METTL4: variants seen among roughly 807,000 people sequenced by gnomAD.
METTL4 encodes the protein methyltransferase 4, N6-adenosine, also known as N(6)-adenine-specific methyltransferase METTL4.
METTL4 carries 40 observed loss-of-function variants against 54.0 expected under a neutral mutation model. That is an observed-to-expected ratio of 0.74 (90% CI 0.58 to 0.96). The LOEUF (loss-of-function observed/expected upper bound fraction) is 0.96, where lower values mean the gene tolerates loss of function less well. Among genes scored for constraint, METTL4 ranks in the 50% least tolerant of loss-of-function variants. METTL4 has a pLI of 0.00. For synonymous variants in METTL4, 169 were observed against 183.8 expected, an observed-to-expected ratio of 0.92 and a Z score of 0.65; for missense variants, 525 against 549.0, an observed-to-expected ratio of 0.96 and a Z score of 0.44.
intron 7 of METTL4, 35 bp from the exon 8 acceptor site, chr18:2,544,321 T>A: frequency 1.3e-6 from 2 of 1,500,902 alleles, no homozygotes; most frequent in Non-Finnish European, 1.8e-6. Flanking sequence ...AACTATATTT[T>A]AAAAAACAAT....
chr18:2,553,057 G>T, intron 4 of METTL4: 1 of 244,186 alleles, frequency 4.1e-6, no homozygotes, highest in Non-Finnish European at 7.8e-6. Flanking sequence ...AATTCCCTAT[G>T]CGTCTTGGCA....
Position 2,566,892 on chromosome 18 carries a change from G to A in METTL4, c.325C>T (p.Gln109Ter), listed in dbSNP as rs2072426610. Residue 109 changes from glutamine (Q) to a stop codon, truncating the protein, a stop_gained, in exon 2 of 9, where the codon CAG becomes TAG. Coordinates refer to ENST00000574538, the MANE Select transcript of METTL4 (RefSeq NM_022840.5). LOFTEE classifies it high-confidence loss of function. ...YITPAVHKEC[Q>*]QSNEKEDLMN... ...AGATCTTCCTTTTCATTACTTTGCT[G>A]GCATTCTTTATGAACAGCTGGAGTT... 3 of 1,611,278 alleles carry A rather than the reference G, an allele frequency of 1.9e-6. No individual in the cohort carries two copies. The highest frequency in any genetic ancestry group is 2.2e-5 in the South Asian group (2 of 90,618).
chr18:2,560,299 A>G (rs765670815), intron 3 of METTL4, among the ~76,000 whole-genome samples: 1 of 152,212 alleles, frequency 6.6e-6, no homozygotes, highest in Non-Finnish European at 1.5e-5. Flanking sequence ...CCAAAAAAGT[A>G]TCCACCACAA....
In METTL4 at chr18:2,566,890, C is replaced by T. The variant is rs777631403; in HGVS notation, c.327G>A (p.Gln109=). The change falls in exon 2 of 9, where the codon CAG becomes CAA. Residue 109 remains glutamine (Q), a synonymous_variant. Transcript: ENST00000574538. ...YITPAVHKEC[Q]QSNEKEDLMN... is the part of the protein sequence containing the mutation. ...TCAGATCTTCCTTTTCATTACTTTG[C>T]TGGCATTCTTTATGAACAGCTGGAG... is the stretch of plus-strand genomic sequence containing the variant. 2 of 1,611,570 alleles carry T rather than the reference C, an allele frequency of 1.2e-6. No individual in the cohort carries two copies. Among genetic ancestry groups the T allele is most frequent in the South Asian group, 2.2e-5 (2 of 90,654 alleles).
At chr18:2,550,960 C>T (rs9949151) in intron 5 of METTL4, among the ~76,000 whole-genome samples, 7 of 151,440 alleles carry the variant, frequency 4.6e-5, no homozygotes, top group East Asian at 1.9e-4. Flanking sequence ...GTCAGGAGAT[C>T]GAGACCATCC....
chr18:2,568,474 G>GGGCGTGGT (rs1307427874), intron 1 of METTL4: 8 of 152,370 alleles, frequency 5.3e-5, no homozygotes, highest in African/African-American at 1.7e-4. Flanking sequence ...AGGAGTGGCT[G>GGGCGTGGT]GGCATGGTGG....
chr18:2,543,518 C>G (rs558869536), intron 8 of METTL4, among the ~76,000 whole-genome samples: 83 of 152,266 alleles, frequency 5.5e-4, no homozygotes, highest in African/African-American at 1.7e-3. Flanking sequence ...CTCTAGAGGA[C>G]TAAATATCAT....
In METTL4 at chr18:2,566,983, A is replaced by C. The variant is rs1363920268; in HGVS notation, c.234T>G (p.Asn78Lys). Reference protein sequence around the residue: ...STKPENDDGGNYEMFTRKFVF... With the variant: ...STKPENDDGGKYEMFTRKFVF... ...CAAATTTTCGTGTGAACATTTCATA[A>C]TTTCCTCCATCATCATTCTCTGGCT... Residue 78 changes from asparagine (N) to lysine (K), a missense_variant, in exon 2 of 9, where the codon AAT becomes AAG. Coordinates refer to ENST00000574538, the MANE Select transcript of METTL4 (RefSeq NM_022840.5). 2 of 1,614,162 alleles carry C rather than the reference A, an allele frequency of 1.2e-6. No individual in the cohort carries two copies. Among genetic ancestry groups the C allele is most frequent in the South Asian group, 2.2e-5 (2 of 91,084 alleles).
rs201779316 is a variant in METTL4, at chr18:2,566,970, T to C, written c.247A>G (p.Thr83Ala). The change falls in exon 2 of 9, where the codon ACA becomes GCA. Residue 83 changes from threonine to alanine, a missense_variant. Thr to Ala is a moderately conservative substitution (Grantham distance 58). Coordinates refer to ENST00000574538, the MANE Select transcript of METTL4 (RefSeq NM_022840.5). The part of the protein sequence containing the change: ...NDDGGNYEMF[T>A]RKFVFRPELF... ...TCAGGTCGAAAAACAAATTTTCGTGTGAACATTTCATAATTTCCTCCATCA... is the reference window on the plus strand; with the variant it reads ...TCAGGTCGAAAAACAAATTTTCGTGCGAACATTTCATAATTTCCTCCATCA... The C allele has an allele frequency of 6.2e-7, 1 of 1,614,186 alleles. No individual in the cohort carries two copies. The highest frequency in any genetic ancestry group is 8.5e-7 in the Non-Finnish European group (1 of 1,180,020).
chr18:2,567,242 G>A lies in METTL4; in HGVS notation c.-26C>T. ...TCCCTTCCTTTAAAAAAGCCTCTGG[G>A]AATTAGGAACTAGAATGAAAATCCA... On this transcript the variant is annotated 5_prime_UTR_variant, in exon 2 of 9. Coordinates refer to ENST00000574538, the MANE Select transcript of METTL4 (RefSeq NM_022840.5). The A allele has an allele frequency of 6.5e-7, 1 of 1,533,774 alleles. No homozygotes were observed. The highest frequency in any genetic ancestry group is 8.7e-7 in the Non-Finnish European group (1 of 1,144,188).
intron 6 of METTL4, among the ~76,000 whole-genome samples, chr18:2,546,704 T>A (rs1252598732): frequency 6.6e-6 from 1 of 152,152 alleles, no homozygotes; most frequent in Non-Finnish European, 1.5e-5. Flanking sequence ...AAAGGAAACC[T>A]GATGAACTCT....
chr18:2,544,504 C>T (rs2072041155), intron 7 of METTL4, 149 bp downstream of exon 7: 1 of 626,846 alleles, frequency 1.6e-6, no homozygotes, highest in Non-Finnish European at 2.7e-6. Context: ...AATATAGTTT[C>T]CTGTGCCATA....
At position 2,539,151 on chromosome 18, in the gene METTL4, TAA is replaced by T; in HGVS notation, c.1274-8_1274-7del. ...GATGTAGTCTTTTAAAACCTCTGTT[TAA>T]AAAAGAGAAAAAACACAAAAATTAT... is the stretch of plus-strand genomic sequence containing the variant. On this transcript the variant is annotated splice_region_variant and splice_polypyrimidine_tract_variant and intron_variant, in intron 8 of 8. Coordinates refer to ENST00000574538, the MANE Select transcript of METTL4 (RefSeq NM_022840.5). 2 of 1,607,306 alleles carry T rather than the reference TAA, an allele frequency of 1.2e-6. No homozygotes were observed. The highest frequency in any genetic ancestry group is 1.7e-6 in the Non-Finnish European group (2 of 1,177,094).
In METTL4 at chr18:2,552,724, C is replaced by T. The variant is rs1171839286; in HGVS notation, c.870G>A (p.Trp290Ter). Residue 290 changes from tryptophan to a stop codon, truncating the protein, a stop_gained, in exon 5 of 9, where the codon TGG (tryptophan) becomes TGA (stop). Transcript: ENST00000574538. LOFTEE classifies it high-confidence loss of function. Reference sequence around the variant, plus strand: ...TACTTCTTTTAACTGATTTGTTCTGCCATGGTGGATCTATCACAATTACAT... The same window carrying T: ...TACTTCTTTTAACTGATTTGTTCTGTCATGGTGGATCTATCACAATTACAT... ...TFDVIVIDPP[W>*]QNKSVKRSNR... 2 of 1,611,180 alleles carry T rather than the reference C, an allele frequency of 1.2e-6. No individual in the cohort carries two copies. The highest frequency in any genetic ancestry group is 1.7e-6 in the Non-Finnish European group (2 of 1,178,906).
At chr18:2,570,027 G>T (rs1004654072) in intron 1 of METTL4, among the ~76,000 whole-genome samples, 1 of 152,198 alleles carries the variant, frequency 6.6e-6, no homozygotes, top group Non-Finnish European at 1.5e-5. Context: ...AGGGTCCTTG[G>T]TGGTTAAACC....
intron 2 of METTL4, among the ~76,000 whole-genome samples, chr18:2,564,538 G>T (rs868581351): frequency 2.3e-4 from 35 of 152,190 alleles, no homozygotes; most frequent in African/African-American, 8.0e-4. Flanking sequence ...ATGTGCTTAT[G>T]ACTGATGAGG....
intron 5 of METTL4, among the ~76,000 whole-genome samples, chr18:2,549,203 C>T (rs1292918577): frequency 6.6e-6 from 1 of 152,196 alleles, no homozygotes; most frequent in African/African-American, 2.4e-5. Flanking sequence ...GGCATGATTT[C>T]ACCTATTAAA....
chr18:2,563,488 G>A (rs148586726), intron 3 of METTL4, among the ~76,000 whole-genome samples: 3 of 150,820 alleles, frequency 2.0e-5, no homozygotes, highest in Non-Finnish European at 2.9e-5. Flanking sequence ...CAGCTACTCA[G>A]AGGAGGCCAA....
rs755239627 is a variant in METTL4 at position 2,567,369 on chromosome 18, T to C, written c.-153A>G. 9.3e-6 allele frequency: 5 copies of C among 539,906 alleles called. No homozygotes were observed. The Admixed American group carries it at 1.9e-4, about 20-fold the overall frequency. 33.4% of individuals were successfully genotyped at this position (539,906 alleles called of 1,614,324 possible). A position where few individuals can be genotyped will look rare whatever the true frequency, so the allele number is the denominator to read the frequency against. On this transcript the variant is annotated 5_prime_UTR_variant, in exon 2 of 9. The change abolishes an upstream ATG in the 5' untranslated region. Coordinates refer to ENST00000574538, the MANE Select transcript of METTL4 (RefSeq NM_022840.5). The stretch of plus-strand genomic sequence containing the variant: ...CAAGTACAAAAACCTGACATGCACA[T>C]TGAAGAGAATTTATCATTCATGATG...
Sources: gnomAD v4.1 joint callset for allele counts (sites outside exome capture counted in the v4.1 genomes callset) on GRCh38, gnomAD v4.1.1 for gene constraint, MANE v1.5 for transcripts, NCBI Gene and HGNC (gene_info 2026-07-23, HGNC 2026-07-21) for gene names.